ZNF257: variants seen among roughly 807,000 people sequenced by gnomAD.
The protein encoded by ZNF257 is zinc finger protein 257, also known as bone marrow zinc finger 4.
A neutral mutation model predicts 11.9 loss-of-function variants in ZNF257; 12 were observed. The observed-to-expected ratio is 1.01, with a 90% CI of 0.65 to 1.63. The LOEUF is 1.63. Ranked by LOEUF, ZNF257 falls within the 40% of genes most tolerant of loss-of-function variation. The pLI, the probability that ZNF257 is intolerant of heterozygous loss-of-function variation, is 0.00. For synonymous variants in ZNF257, 183 were observed against 222.7 expected (o/e 0.82, Z 1.59); for missense variants, 580 against 665.5 (o/e 0.87, Z 1.41).
At chr19:22,079,504 G>A (rs2022311505) in intron 3 of ZNF257, among the ~76,000 whole-genome samples, 1 of 152,098 alleles carries the variant, frequency 6.6e-6, no homozygotes, top group Admixed American at 6.6e-5. Flanking sequence ...ATGGCACAAG[G>A]CAAAGGAGGA....
chr19:22,088,163 T>A lies in ZNF257; in HGVS notation c.413T>A (p.Ile138Lys). ...GGYNGLNQCLITTQSKMYQCD... is the reference protein window; with the variant it reads ...GGYNGLNQCLKTTQSKMYQCD... Reference sequence around the variant, plus strand: ...TATAATGGACTTAACCAATGTCTGATAACTACCCAGAGCAAAATGTATCAA... The same window carrying A: ...TATAATGGACTTAACCAATGTCTGAAAACTACCCAGAGCAAAATGTATCAA... The change falls in exon 4 of 4, where the codon ATA becomes AAA. Residue 138 changes from isoleucine (I) to lysine (K), a missense_variant. Ile to Lys is a moderately radical substitution (Grantham distance 102). Transcript: ENST00000594947. The A allele has an allele frequency of 6.3e-7, 1 of 1,587,158 alleles. No homozygotes were observed. The highest frequency in any genetic ancestry group is 8.6e-7 in the Non-Finnish European group (1 of 1,167,718).
Position 22,088,479 on chromosome 19 carries a change from C to T in ZNF257, c.729C>T (p.His243=), listed in dbSNP as rs763370244. The change falls in exon 4 of 4, where the codon CAC becomes CAT. Residue 243 remains histidine (H), a synonymous_variant. Transcript: ENST00000594947. ...GAAAAGCTTTTAACCGGTCTTCACA[C>T]CTTACTCAACATAAGGTAATTCATA... ...ECGKAFNRSS[H]LTQHKVIHTR... 1.4e-5 allele frequency: 23 copies of T among 1,611,710 alleles called. No homozygotes were observed. Among genetic ancestry groups the T allele is most frequent in the Non-Finnish European group, 1.9e-5 (22 of 1,179,114 alleles).
chr19:22,066,114 C>A (rs9653156), intron 1 of ZNF257: 71,160 of 152,454 alleles, frequency 0.47, 16,976 homozygotes, highest in South Asian at 0.63. Context: ...TCAATAAAAT[C>A]TTGCTCATTT....
intron 1 of ZNF257, among the ~76,000 whole-genome samples, chr19:22,067,291 C>T (rs1428880867): frequency 2.0e-5 from 3 of 152,104 alleles, no homozygotes; most frequent in Non-Finnish European, 4.4e-5. Context: ...GAACATGGAG[C>T]TCAGAAACCC....
At chr19:22,052,725 G>T in intron 1 of ZNF257, 90 bp downstream of exon 1, 1 of 1,477,704 alleles carries the variant, frequency 6.8e-7, no homozygotes, top group Non-Finnish European at 9.3e-7. Flanking sequence ...AGGCCTCCTT[G>T]CAGTCAGCCC....
At chr19:22,069,794 A>G (rs2022054496) in intron 1 of ZNF257, among the ~76,000 whole-genome samples, 1 of 151,526 alleles carries the variant, frequency 6.6e-6, no homozygotes, top group African/African-American at 2.4e-5. Context: ...ATGGATTATT[A>G]GTATATATTA....
chr19:22,073,031 A>C, intron 2 of ZNF257, 96 bp downstream of exon 2: 1 of 1,301,374 alleles, frequency 7.7e-7, no homozygotes, highest in Non-Finnish European at 1.0e-6. Context: ...GTAATTTGGT[A>C]ATTTTTGATA....
chr19:22,057,681 C>T (rs2021681051), intron 1 of ZNF257, among the ~76,000 whole-genome samples: 1 of 152,130 alleles, frequency 6.6e-6, no homozygotes, highest in Non-Finnish European at 1.5e-5. Flanking sequence ...CTTAGGCTGA[C>T]AGGGACTGAC....
chr19:22,086,636 T>C (rs1473947168), intron 3 of ZNF257, among the ~76,000 whole-genome samples: 1 of 151,864 alleles, frequency 6.6e-6, no homozygotes, highest in African/African-American at 2.4e-5. Context: ...CGGGATTTGG[T>C]TATTTTAGAA....
chr19:22,055,669 T>A (rs2021611757), intron 1 of ZNF257, among the ~76,000 whole-genome samples: 1 of 152,066 alleles, frequency 6.6e-6, no homozygotes, highest in African/African-American at 2.4e-5. Flanking sequence ...CAGGATGGGG[T>A]GGGAGAATCT....
chr19:22,061,547 A>C (rs1340681691), intron 1 of ZNF257, among the ~76,000 whole-genome samples: 1 of 151,362 alleles, frequency 6.6e-6, no homozygotes, highest in Non-Finnish European at 1.5e-5. Context: ...TCACGACTAT[A>C]GTCTTTTCTA....
At chr19:22,077,799 T>G (rs1010050659) in intron 3 of ZNF257, among the ~76,000 whole-genome samples, 4 of 152,146 alleles carry the variant, frequency 2.6e-5, no homozygotes, top group Non-Finnish European at 4.4e-5. Context: ...GATTGCTGTA[T>G]TTTATGGTAA....
intron 1 of ZNF257, chr19:22,065,782 A>G (rs2021929134): frequency 6.6e-6 from 1 of 152,204 alleles, no homozygotes; most frequent in African/African-American, 2.4e-5. Flanking sequence ...TGCAAGCTCA[A>G]ATATATTCTA....
chr19:22,053,593 C>G (rs6511314), intron 1 of ZNF257, among the ~76,000 whole-genome samples: 2 of 151,854 alleles, frequency 1.3e-5, no homozygotes, highest in South Asian at 4.1e-4. Context: ...TAGTTGGCTA[C>G]GCCTCAATTT....
At chr19:22,085,044 T>TG (rs1182272743) in intron 3 of ZNF257, among the ~76,000 whole-genome samples, 2 of 150,062 alleles carry the variant, frequency 1.3e-5, no homozygotes, top group Admixed American at 6.7e-5. Flanking sequence ...TTTAGTTTTT[T>TG]TTTTTGTTGT....
intron 3 of ZNF257, among the ~76,000 whole-genome samples, chr19:22,077,366 A>G (rs938242506): frequency 2.0e-5 from 3 of 152,130 alleles, no homozygotes; most frequent in Non-Finnish European, 4.4e-5. Flanking sequence ...TCACATTGTT[A>G]TACAAGAGAC....
chr19:22,066,729 A>G (rs1011496714), intron 1 of ZNF257, among the ~76,000 whole-genome samples: 7 of 152,252 alleles, frequency 4.6e-5, no homozygotes, highest in African/African-American at 1.7e-4. Flanking sequence ...GGCATTGAAT[A>G]TAACCATGTA....
At chr19:22,057,359 A>G (rs1304945996) in intron 1 of ZNF257, among the ~76,000 whole-genome samples, 1 of 152,146 alleles carries the variant, frequency 6.6e-6, no homozygotes, top group African/African-American at 2.4e-5. Context: ...GAGCCTGCAA[A>G]AAAGGTTATT....
chr19:22,071,183 C>A (rs556163198), intron 1 of ZNF257, among the ~76,000 whole-genome samples: 1 of 152,062 alleles, frequency 6.6e-6, no homozygotes, highest in Non-Finnish European at 1.5e-5. Flanking sequence ...CCCATATTAC[C>A]ATTACTGTAG....
Sources: allele counts gnomAD v4.1 joint callset (sites outside exome capture counted in the v4.1 genomes callset), GRCh38; gene constraint gnomAD v4.1.1; transcripts MANE v1.5; gene names NCBI Gene and HGNC (gene_info 2026-07-23, HGNC 2026-07-21).